HLCS: variants seen among roughly 807,000 people sequenced by gnomAD.
HLCS encodes holocarboxylase synthetase.
HLCS carries 53 observed loss-of-function variants against 75.0 expected under a neutral mutation model. The ratio of observed to expected loss-of-function variants is 0.71; its 90% confidence interval spans 0.57 to 0.89. The LOEUF (loss-of-function observed/expected upper bound fraction) is 0.89. Ranked by LOEUF, HLCS falls within the 40% of genes least tolerant of loss-of-function variation. The probability of loss-of-function intolerance (pLI) is 0.00; values close to 1 mark genes in which losing one functional copy is unlikely to be tolerated. For synonymous variants in HLCS, 431 were observed against 428.6 expected, an observed-to-expected ratio of 1.01 and a Z score of -0.07; for missense variants, 966 against 1,074.0, an observed-to-expected ratio of 0.90 and a Z score of 1.41.
Position 36,762,930 on chromosome 21 carries a change from A to ACCC in HLCS, c.2121+2081_2121+2082insGGG, listed in dbSNP as rs749408857. On this transcript the variant is annotated intron_variant, in intron 8 of 10. Coordinates refer to ENST00000674895, the MANE Select transcript of HLCS (RefSeq NM_001352514.2). ...GAGCCATGAAAAAGCTAAACAGACCAAACAGACTCATTTAATGTTCTCGGC... is the reference window on the plus strand; with the variant it reads ...GAGCCATGAAAAAGCTAAACAGACCACCCAACAGACTCATTTAATGTTCTCGGC... Among the ~76,000 whole-genome samples, 8 of 152,324 alleles carry ACCC rather than the reference A, an allele frequency of 5.3e-5. 1 individual carries two copies. Among genetic ancestry groups the ACCC allele is most frequent in the Admixed American group, 3.9e-4 (6 of 15,302 alleles).
chr21:36,767,082 G>C, intron 7 of HLCS, 136 bp downstream of exon 7: 1 of 808,420 alleles, frequency 1.2e-6, no homozygotes, highest in Admixed American at 1.9e-5. Flanking sequence ...CTCCATTCCA[G>C]GCGGTTATGA....
chr21:36,956,886 T>C (rs2067990390), intron 2 of HLCS, among the ~76,000 whole-genome samples: 1 of 151,384 alleles, frequency 6.6e-6, no homozygotes, highest in South Asian at 2.1e-4. Flanking sequence ...ACCCCGTCTC[T>C]ACTAAAAATA....
At chr21:36,849,263 T>C (rs1345351426) in intron 6 of HLCS, among the ~76,000 whole-genome samples, 2 of 152,244 alleles carry the variant, frequency 1.3e-5, no homozygotes, top group Non-Finnish European at 2.9e-5. Flanking sequence ...CTGCAATCAA[T>C]GCATCCATCA....
chr21:36,969,406 C>T (rs975043178), upstream of HLCS, among the ~76,000 whole-genome samples: 9 of 152,136 alleles, frequency 5.9e-5, no homozygotes, highest in African/African-American at 2.2e-4. Context: ...TCCTAGGCCC[C>T]ACCCAACCCC....
chr21:36,765,179 C>G lies in HLCS; in HGVS notation c.1961-7G>C, dbSNP rs145472697. On this transcript the variant is annotated splice_polypyrimidine_tract_variant and splice_region_variant and intron_variant, in intron 7 of 10. Transcript: ENST00000674895. ...CACACATTCCCTCCCCGTCCTGGAA[C>G]ACAGGCCACAGTGGGAAACATGCTA... is the stretch of plus-strand genomic sequence containing the variant. The G allele has an allele frequency of 5.4e-5, 87 of 1,614,200 alleles. No individual in the cohort carries two copies. The highest frequency in any genetic ancestry group is 1.6e-4 in the Middle Eastern group (1 of 6,062).
chr21:36,793,295 C>CTTT lies in HLCS; in HGVS notation c.1893-26013_1893-26011dup, dbSNP rs761549990. 1.6e-3 allele frequency among the ~76,000 whole-genome samples: 181 copies of CTTT among 116,246 alleles called. 4 individuals are homozygous for CTTT. Among genetic ancestry groups the CTTT allele is most frequent in the African/African-American group, 3.8e-3 (118 of 31,150 alleles). The allele number at this position is 116,246 out of a possible 152,430, so 76.3% of individuals were successfully genotyped here. On this transcript the variant is annotated intron_variant, in intron 6 of 10. Transcript: ENST00000674895. ...AGAACACGGGACAGCAGGAAGCAGT[C>CTTT]TTTTTTTTTTTTTTTTTTGAGATAG...
chr21:36,920,099 G>C (rs1394495790), intron 5 of HLCS, among the ~76,000 whole-genome samples: 1 of 152,190 alleles, frequency 6.6e-6, no homozygotes, highest in Admixed American at 6.5e-5. Context: ...TTGGGAAGCT[G>C]AGGCGGAAGA....
At chr21:36,902,848 T>A (rs922157348) in intron 5 of HLCS, among the ~76,000 whole-genome samples, 1 of 152,114 alleles carries the variant, frequency 6.6e-6, no homozygotes, top group African/African-American at 2.4e-5. Flanking sequence ...TGTGTTTTTA[T>A]CCTGCCACAG....
chr21:36,841,365 CG>C (rs1201114830), intron 6 of HLCS, among the ~76,000 whole-genome samples: 5 of 152,104 alleles, frequency 3.3e-5, no homozygotes, highest in Non-Finnish European at 7.4e-5. Context: ...TCATGAAATG[CG>C]ATAATAAATA....
Position 36,754,278 on chromosome 21 carries a change from G to T in HLCS, c.2590C>A (p.Leu864Met), listed in dbSNP as rs1236453276. ...CGTTTGGGGAGGATGAGGTTTCTCA[G>T]CATGTCGAAGGAGTTGCCGTCCGGG... Reference protein sequence around the residue: ...VHPDGNSFDMLRNLILPKRR With the variant: ...VHPDGNSFDMMRNLILPKRR Residue 864 changes from leucine (L) to methionine (M), a missense_variant, in exon 11 of 11, where the codon CTG (leucine) becomes ATG (methionine). Physicochemically the swap from Leu to Met is conservative, Grantham distance 15. Coordinates refer to ENST00000674895, the MANE Select transcript of HLCS (RefSeq NM_001352514.2). 4.3e-6 allele frequency: 7 copies of T among 1,614,114 alleles called. No individual in the cohort carries two copies. The highest frequency in any genetic ancestry group is 3.4e-6 in the Non-Finnish European group (4 of 1,180,030).
chr21:36,843,034 T>C (rs368337322), intron 6 of HLCS, among the ~76,000 whole-genome samples: 14 of 152,226 alleles, frequency 9.2e-5, no homozygotes, highest in African/African-American at 1.2e-4. Flanking sequence ...GCCATCTGTA[T>C]GGAAGGAATC....
intron 6 of HLCS, among the ~76,000 whole-genome samples, chr21:36,802,364 C>G (rs917899627): frequency 6.6e-6 from 1 of 152,168 alleles, no homozygotes; most frequent in South Asian, 2.1e-4. Flanking sequence ...GGGGACTATG[C>G]GCCCAGGAGA....
chr21:36,959,303 C>G (rs546209166), intron 2 of HLCS, among the ~76,000 whole-genome samples: 1 of 152,338 alleles, frequency 6.6e-6, no homozygotes, highest in Non-Finnish European at 1.5e-5. Flanking sequence ...GACACACCAG[C>G]CCCCTGCCAC....
intron 6 of HLCS, among the ~76,000 whole-genome samples, chr21:36,770,827 G>GA (rs1256144207): frequency 2.0e-5 from 3 of 151,562 alleles, no homozygotes; most frequent in Non-Finnish European, 4.4e-5. Context: ...ATTTTTTTTG[G>GA]AAAAAAGCAT....
chr21:36,878,454 T>C lies in HLCS; in HGVS notation c.1892+18406A>G, dbSNP rs188283013. ...AGAGATATTCTATCCCAAGTGAAAT[T>C]CAAGTAAATAAACGAAACTACTACT... On this transcript the variant is annotated intron_variant, in intron 6 of 10. Transcript: ENST00000674895. Among the ~76,000 whole-genome samples, 240 of 152,252 alleles carry C rather than the reference T, an allele frequency of 1.6e-3. 1 individual carries two copies. The highest frequency in any genetic ancestry group is 2.4e-4 in the Non-Finnish European group (16 of 67,984).
chr21:36,818,996 T>C lies in HLCS; in HGVS notation c.1893-51711A>G, dbSNP rs139762889. Reference sequence around the variant, plus strand: ...GGCCCTCAAGACTGACTGCGACAAATTATAAAGCAACGTCGATGCTAACGC... The same window carrying C: ...GGCCCTCAAGACTGACTGCGACAAACTATAAAGCAACGTCGATGCTAACGC... On this transcript the variant is annotated intron_variant, in intron 6 of 10. Transcript: ENST00000674895. Among the ~76,000 whole-genome samples the C allele has an allele frequency of 2.3e-3, 355 of 152,180 alleles. 4 individuals are homozygous for C. Among genetic ancestry groups the C allele is most frequent in the African/African-American group, 8.2e-3 (342 of 41,518 alleles).
At chr21:36,974,938 C>A (rs1481099996) in intron 1 of HLCS, 2 of 152,172 alleles carry the variant, frequency 1.3e-5, no homozygotes, top group African/African-American at 2.4e-5. Flanking sequence ...CTGTCTCTAA[C>A]CCCTCTCTCA....
At chr21:36,985,486 C>T (rs148362612) in intron 1 of HLCS, among the ~76,000 whole-genome samples, 2,687 of 149,024 alleles carry the variant, frequency 0.018, 46 homozygotes, top group East Asian at 0.072. Context: ...TACAAAAATT[C>T]GCTGGGCACG....
At chr21:36,787,100 G>C (rs999372) in intron 6 of HLCS, among the ~76,000 whole-genome samples, 60,035 of 152,114 alleles carry the variant, frequency 0.39, 12,113 homozygotes, top group Middle Eastern at 0.48. Flanking sequence ...TTTCCAGGGC[G>C]AAGAAGCACT....
Sources: gnomAD v4.1 joint callset for allele counts (sites outside exome capture counted in the v4.1 genomes callset) on GRCh38, gnomAD v4.1.1 for gene constraint, MANE v1.5 for transcripts, NCBI Gene and HGNC (gene_info 2026-07-23, HGNC 2026-07-21) for gene names.